ABCG8: variants seen among roughly 807,000 people sequenced by gnomAD.
ABCG8 encodes the protein ATP-binding cassette sub-family G member 8.
Under a neutral mutation model 71.3 loss-of-function variants are expected in ABCG8, and 81 were observed. The ratio of observed to expected loss-of-function variants is 1.14; its 90% CI spans 0.95 to 1.37. The LOEUF (loss-of-function observed/expected upper bound fraction) is 1.37, where lower values mean the gene tolerates loss of function less well. Among genes scored for constraint, ABCG8 ranks in the 40% most tolerant of loss-of-function variants. The pLI is 0.00. For missense variants in ABCG8, 1,119 were observed against 866.2 expected (o/e 1.29, Z -3.66); for synonymous variants, 451 against 354.7 (o/e 1.27, Z -3.05).
intron 8 of ABCG8, among the ~76,000 whole-genome samples, chr2:43,872,987 G>A (rs576824357): frequency 3.0e-4 from 45 of 152,108 alleles, no homozygotes; most frequent in African/African-American, 1.0e-3. Context: ...TAAACGTAGC[G>A]GGATCATACT....
At chr2:43,854,626 C>CAAAAAAAAAAAA (rs759609173) in intron 6 of ABCG8, among the ~76,000 whole-genome samples, 17 of 74,730 alleles carry the variant, frequency 2.3e-4, no homozygotes, top group African/African-American at 9.2e-4. Flanking sequence ...GACTCCATCT[C>CAAAAAAAAAAAA]AAAAAAAAAA....
Position 43,867,944 on chromosome 2 carries a change from T to C in ABCG8, c.965-4032T>C, listed in dbSNP as rs1669592365. Among the ~76,000 whole-genome samples, 6 of 151,930 alleles carry C rather than the reference T, an allele frequency of 3.9e-5. No homozygotes were observed. In the South Asian group the frequency reaches 1.2e-3, roughly 32 times the overall value. ...ATAAAACTCTCACTATCCGTTTGGA[T>C]AGAATTCTCACCATCTGGATAGAAC... On this transcript the variant is annotated intron_variant, in intron 6 of 12. Coordinates refer to ENST00000272286, the MANE Select transcript of ABCG8 (RefSeq NM_022437.3).
At chr2:43,861,900 A>G (rs1669333695) in intron 6 of ABCG8, among the ~76,000 whole-genome samples, 1 of 151,246 alleles carries the variant, frequency 6.6e-6, no homozygotes, top group South Asian at 2.1e-4. Context: ...ATCTATCTGG[A>G]TAGAATTATC....
Position 43,852,592 on chromosome 2 carries a change from T to C in ABCG8, c.695-7T>C, listed in dbSNP as rs374648568. Reference sequence around the variant, plus strand: ...CGACTCACCAGGCTCCTCTCTGTGTTGGAAAGGAATCCTTATTCTCGACGA... The same window carrying C: ...CGACTCACCAGGCTCCTCTCTGTGTCGGAAAGGAATCCTTATTCTCGACGA... On this transcript the variant is annotated splice_region_variant and splice_polypyrimidine_tract_variant and intron_variant, in intron 5 of 12. Coordinates refer to ENST00000272286, the MANE Select transcript of ABCG8 (RefSeq NM_022437.3). 60 of 1,614,006 alleles carry C rather than the reference T, an allele frequency of 3.7e-5. No individual in the cohort carries two copies. The highest frequency in any genetic ancestry group is 4.2e-6 in the Non-Finnish European group (5 of 1,180,018).
intron 1 of ABCG8, among the ~76,000 whole-genome samples, chr2:43,842,302 T>C (rs1490136620): frequency 1.3e-5 from 2 of 152,176 alleles, no homozygotes; most frequent in Non-Finnish European, 2.9e-5. Context: ...CATGAGCCAC[T>C]GCGCACAGCT....
rs1399370670 is a variant in ABCG8, at chr2:43,882,150, AT to A, written c.*4240del. The A allele has an allele frequency of 6.6e-6, 1 of 152,166 alleles. No individual in the cohort carries two copies. Among genetic ancestry groups the A allele is most frequent in the Non-Finnish European group, 1.5e-5 (1 of 68,026 alleles). The allele number at this position is 152,166 out of a possible 1,614,324, so 9.4% of individuals were successfully genotyped here. A position where few individuals can be genotyped will look rare whatever the true frequency, so the allele number is the denominator to read the frequency against. ...CCAATATTGGCTCAAATATTTCCTG[AT>A]TTAAAAAAAAATCTGCTCTTGTTCC... On this transcript the variant is annotated 3_prime_UTR_variant, in exon 13 of 13. Coordinates refer to ENST00000272286, the MANE Select transcript of ABCG8 (RefSeq NM_022437.3).
chr2:43,875,018 C>G (rs1167262330), intron 10 of ABCG8, 128 bp from the exon 11 acceptor site: 2 of 1,362,866 alleles, frequency 1.5e-6, no homozygotes, highest in African/African-American at 2.8e-5. Flanking sequence ...CCAGCACACC[C>G]TCCTGCCACA....
intron 1 of ABCG8, among the ~76,000 whole-genome samples, chr2:43,841,861 A>C (rs1022354650): frequency 6.6e-6 from 1 of 152,194 alleles, no homozygotes; most frequent in Non-Finnish European, 1.5e-5. Flanking sequence ...CGCCTCCTCC[A>C]TGCCTAAATC....
intron 6 of ABCG8, among the ~76,000 whole-genome samples, chr2:43,864,502 C>A (rs4550709): frequency 0.44 from 65,875 of 151,318 alleles, 15,127 homozygotes; most frequent in East Asian, 0.86. Flanking sequence ...AATTCTCACC[C>A]TCTGGATAGA....
At chr2:43,858,084 C>T (rs937995586) in intron 6 of ABCG8, among the ~76,000 whole-genome samples, 30 of 151,484 alleles carry the variant, frequency 2.0e-4, no homozygotes, top group African/African-American at 6.3e-4. Context: ...AGAGAATTCT[C>T]ACTCTCTGTG....
At chr2:43,866,143 T>TG (rs1357722852) in intron 6 of ABCG8, among the ~76,000 whole-genome samples, 2 of 152,078 alleles carry the variant, frequency 1.3e-5, no homozygotes, top group African/African-American at 4.8e-5. Context: ...GCTAGCCATA[T>TG]GTAGAAAGCT....
rs1020921571 is a variant in ABCG8, at chr2:43,875,170, T to A, written c.1513T>A (p.Cys505Ser). 6.2e-7 allele frequency: 1 copy of A among 1,614,250 alleles called. No homozygotes were observed. Among genetic ancestry groups the A allele is most frequent in the East Asian group, 2.2e-5 (1 of 44,892 alleles). ...AKILGELPEH[C>S]AYIIIYGMPT... is the part of the protein sequence containing the mutation. ...GATCCTCGGGGAGCTTCCGGAGCAC[T>A]GTGCCTACATCATCATCTACGGGAT... The change falls in exon 11 of 13, where the codon TGT (cysteine) becomes AGT (serine). Residue 505 changes from cysteine to serine, a missense_variant. Cys to Ser is a moderately radical substitution (Grantham distance 112, BLOSUM62 -1). Coordinates refer to ENST00000272286, the MANE Select transcript of ABCG8 (RefSeq NM_022437.3).
rs78577353 is a variant in ABCG8 at position 43,875,428 on chromosome 2, C to T, written c.1756+15C>T. The T allele has an allele frequency of 1.9e-3, 3,114 of 1,609,640 alleles. 57 individuals carry two copies. In the African/African-American group the frequency reaches 0.037, roughly 19 times the overall value. On this transcript the variant is annotated intron_variant, in intron 11 of 12. Coordinates refer to ENST00000272286, the MANE Select transcript of ABCG8 (RefSeq NM_022437.3). ...CCTGTGGACAGGTAAGGCCTGCCCC[C>T]GGGGCCTGGGCCAGCTTTGTTAGGA... is the stretch of plus-strand genomic sequence containing the variant.
At chr2:43,873,275 G>C (rs540003894) in intron 8 of ABCG8, among the ~76,000 whole-genome samples, 2 of 149,676 alleles carry the variant, frequency 1.3e-5, no homozygotes, top group Admixed American at 1.3e-4. Context: ...TGCAACCTCC[G>C]CCTCCCAGGT....
Position 43,852,732 on chromosome 2 carries a change from C to T in ABCG8, c.828C>T (p.Ile276=). 1 of 1,614,230 alleles carries T rather than the reference C, an allele frequency of 6.2e-7. No individual in the cohort carries two copies. Among genetic ancestry groups the T allele is most frequent in the East Asian group, 2.2e-5 (1 of 44,886 alleles). Residue 276 remains isoleucine (I), a synonymous_variant, in exon 6 of 13, where the codon ATC becomes ATT. Coordinates refer to ENST00000272286, the MANE Select transcript of ABCG8 (RefSeq NM_022437.3). ...LISLHQPRSD[I]FRLFDLVLLM... is the part of the protein sequence containing the mutation. ...CCCTCCACCAGCCTCGCTCTGACAT[C>T]TTCAGGCTGTTTGATCTGGTCCTCC...
At position 43,852,801 on chromosome 2, in the gene ABCG8, C is replaced by A; in HGVS notation, c.897C>A (p.His299Gln). ...GTPIYLGAAQ[H>Q]MVQYFTAIGY... ...CCATCTACTTAGGGGCGGCCCAGCA[C>A]ATGGTCCAGTATTTCACAGCCATCG... The change falls in exon 6 of 13, where the codon CAC (histidine) becomes CAA (glutamine). Residue 299 changes from histidine to glutamine, a missense_variant. Transcript: ENST00000272286. 1 of 1,614,180 alleles carries A rather than the reference C, an allele frequency of 6.2e-7. No homozygotes were observed. Among genetic ancestry groups the A allele is most frequent in the African/African-American group, 1.3e-5 (1 of 75,042 alleles).
rs1670062327 is a variant in ABCG8 at position 43,879,479 on chromosome 2, A to G, written c.*1566A>G. ...ATGAGTCAGAGTCTGCGTCTTAAGA[A>G]GACCCCCTGGTGATCTGTGCACATT... On this transcript the variant is annotated 3_prime_UTR_variant, in exon 13 of 13. Transcript: ENST00000272286. 2 of 152,182 alleles carry G rather than the reference A, an allele frequency of 1.3e-5. No individual in the cohort carries two copies. Among genetic ancestry groups the G allele is most frequent in the African/African-American group, 4.8e-5 (2 of 41,432 alleles). The allele number at this position is 152,182 out of a possible 1,614,324, so 9.4% of individuals were successfully genotyped here.
At position 43,873,788 on chromosome 2, in the gene ABCG8, C is replaced by G; in HGVS notation, c.1213C>G (p.Arg405Gly). Residue 405 changes from arginine to glycine, a missense_variant and splice_region_variant, in exon 9 of 13, where the codon CGT (arginine) becomes GGT (glycine). Transcript: ENST00000272286. Reference protein sequence around the residue: ...AVQQFTTLIRRQISNDFRDLP... With the variant: ...AVQQFTTLIRGQISNDFRDLP... ...CATCTCTTCCTTTTGGTTTTTAAGT[C>G]GTCAGATTTCCAACGACTTCCGAGA... 1 of 1,614,054 alleles carries G rather than the reference C, an allele frequency of 6.2e-7. No individual in the cohort carries two copies. Among genetic ancestry groups the G allele is most frequent in the South Asian group, 1.1e-5 (1 of 91,028 alleles).
chr2:43,846,193 G>A lies in ABCG8; in HGVS notation c.204G>A (p.Leu68=). 1 of 1,613,980 alleles carries A rather than the reference G, an allele frequency of 6.2e-7. No individual in the cohort carries two copies. Among genetic ancestry groups the A allele is most frequent in the South Asian group, 1.1e-5 (1 of 91,062 alleles). The change falls in exon 3 of 13, where the codon CTG becomes CTA. Residue 68 remains leucine, a synonymous_variant. Transcript: ENST00000272286. The part of the protein sequence containing the change: ...LASQVPWFEQ[L]AQFKMPWTSP... ...CTCAGGTCCCTTGGTTTGAGCAGCT[G>A]GCTCAGTTCAAGATGCCCTGGACAT... is the stretch of plus-strand genomic sequence containing the variant.
Sources: gnomAD v4.1 joint callset for allele counts (sites outside exome capture counted in the v4.1 genomes callset) on GRCh38, gnomAD v4.1.1 for gene constraint, MANE v1.5 for transcripts, NCBI Gene and HGNC (gene_info 2026-07-23, HGNC 2026-07-21) for gene names.